C14orf132: variants seen among roughly 807,000 people sequenced by gnomAD.
The protein encoded by C14orf132 is uncharacterized protein C14orf132.
C14orf132 carries 6 observed loss-of-function variants against 5.8 expected under a neutral mutation model. That is an observed-to-expected ratio of 1.03 (90% confidence interval 0.57 to 2.04). The LOEUF (loss-of-function observed/expected upper bound fraction) is 2.04. C14orf132 is among the 30% of genes most tolerant of loss of function. C14orf132 has a pLI of 0.00. For missense variants in C14orf132, 125 were observed against 115.8 expected, an observed-to-expected ratio of 1.08 and a Z score of -0.37; for synonymous variants, 51 against 49.8, an observed-to-expected ratio of 1.02 and a Z score of -0.10.
rs1888204760 is a variant in C14orf132, at chr14:96,086,716, T to A, written c.233T>A (p.Val78Glu). ...GGGAACATCGTGGTGGTGGGCGTGG[T>A]GTATGCCTTCACCTTCTGAGGACGG... is the stretch of plus-strand genomic sequence containing the variant. ...TLGNIVVVGVVYAFTF is the reference protein window; with the variant it reads ...TLGNIVVVGVEYAFTF Residue 78 changes from valine to glutamate, a missense_variant, in exon 2 of 2, where the codon GTG becomes GAG. Transcript: ENST00000555004. 1 of 1,536,148 alleles carries A rather than the reference T, an allele frequency of 6.5e-7. No individual in the cohort carries two copies. Among genetic ancestry groups the A allele is most frequent in the East Asian group, 2.4e-5 (1 of 40,920 alleles).
At chr14:96,067,509 G>GACCA (rs1887566635) in intron 1 of C14orf132, among the ~76,000 whole-genome samples, 2 of 152,048 alleles carry the variant, frequency 1.3e-5, no homozygotes, top group Non-Finnish European at 1.5e-5. Flanking sequence ...AGACCAGCCT[G>GACCA]ACCAACATGG....
chr14:96,042,565 G>T (rs1240330659), intron 1 of C14orf132, among the ~76,000 whole-genome samples: 2 of 152,206 alleles, frequency 1.3e-5, no homozygotes, highest in African/African-American at 2.4e-5. Context: ...GGCTTAAGAA[G>T]ACCCAGAACA....
At chr14:96,047,954 G>A (rs1886878628) in intron 1 of C14orf132, among the ~76,000 whole-genome samples, 1 of 152,118 alleles carries the variant, frequency 6.6e-6, no homozygotes, top group South Asian at 2.1e-4. Flanking sequence ...TTGGGAGGCC[G>A]AGGCAGGTGG....
At chr14:96,050,256 C>T (rs1415612325) in intron 1 of C14orf132, among the ~76,000 whole-genome samples, 12 of 152,128 alleles carry the variant, frequency 7.9e-5, no homozygotes, top group African/African-American at 2.4e-4. Flanking sequence ...AGTTCAGATG[C>T]TTGAGAACAG....
At chr14:96,059,196 G>A (rs1199996875) in intron 1 of C14orf132, among the ~76,000 whole-genome samples, 1 of 152,154 alleles carries the variant, frequency 6.6e-6, no homozygotes, top group Non-Finnish European at 1.5e-5. Context: ...GAGGTGGAAG[G>A]ATTGCTTGAG....
chr14:96,060,823 G>A (rs1019058150), intron 1 of C14orf132, among the ~76,000 whole-genome samples: 25 of 152,280 alleles, frequency 1.6e-4, no homozygotes, highest in South Asian at 8.3e-4. Flanking sequence ...CATCTCCCGT[G>A]CCAAACATCC....
chr14:96,075,020 TAAC>T (rs1887824111), intron 1 of C14orf132, among the ~76,000 whole-genome samples: 1 of 152,238 alleles, frequency 6.6e-6, no homozygotes, highest in Non-Finnish European at 1.5e-5. Context: ...ATTCACATCT[TAAC>T]AATATTGAGT....
chr14:96,058,934 G>A (rs544965142), intron 1 of C14orf132, among the ~76,000 whole-genome samples: 8 of 152,352 alleles, frequency 5.3e-5, no homozygotes, highest in African/African-American at 1.9e-4. Context: ...AGTCATGACT[G>A]AGCCTGTTTG....
At chr14:96,085,927 T>G (rs1406387083) in intron 1 of C14orf132, among the ~76,000 whole-genome samples, 1 of 151,836 alleles carries the variant, frequency 6.6e-6, no homozygotes, top group Non-Finnish European at 1.5e-5. Flanking sequence ...AAAAAACACG[T>G]TTAAATGTGT....
At chr14:96,051,278 G>A (rs1887018493) in intron 1 of C14orf132, 1 of 398,450 alleles carries the variant, frequency 2.5e-6, no homozygotes, top group Non-Finnish European at 4.4e-6. Context: ...TTTGATTCAG[G>A]TGTGGGGTCT....
chr14:96,064,816 T>A (rs996092353), intron 1 of C14orf132, among the ~76,000 whole-genome samples: 1 of 152,024 alleles, frequency 6.6e-6, no homozygotes, highest in African/African-American at 2.4e-5. Context: ...CAATAACTCA[T>A]GGAAAAATAA....
rs1012022686 is a variant in C14orf132, at chr14:96,090,669, C to G, written c.*3934C>G. ...CCCCCAGAGAGAAATGATTCTCGCT[C>G]CTTTCAGATCCCCCAGGATCTGAGG... On this transcript the variant is annotated 3_prime_UTR_variant, in exon 2 of 2. Coordinates refer to ENST00000555004, the MANE Select transcript of C14orf132 (RefSeq NM_001252507.3). 2.2e-5 allele frequency: 10 copies of G among 455,940 alleles called. No homozygotes were observed. The Admixed American group carries it at 2.3e-4, about 11-fold the overall frequency. 28.2% of individuals were successfully genotyped at this position (455,940 alleles called of 1,614,324 possible).
In C14orf132 at chr14:96,086,589, G is replaced by A. The variant is rs1387752518; in HGVS notation, c.106G>A (p.Ala36Thr). Residue 36 changes from alanine to threonine, a missense_variant, in exon 2 of 2, where the codon GCC becomes ACC. Physicochemically the swap from Ala to Thr is moderately conservative, Grantham distance 58 (BLOSUM62 0). Coordinates refer to ENST00000555004, the MANE Select transcript of C14orf132 (RefSeq NM_001252507.3). ...CGAGTACTCCCTGTTTAACTCCTCT[G>A]CCAATGTCCACGCGGCTGCCAATGG... ...STEYSLFNSSANVHAAANGQG... is the reference protein window; with the variant it reads ...STEYSLFNSSTNVHAAANGQG... 16 of 1,536,108 alleles carry A rather than the reference G, an allele frequency of 1.0e-5. No homozygotes were observed. The highest frequency in any genetic ancestry group is 1.4e-5 in the Non-Finnish European group (16 of 1,146,912).
intron 1 of C14orf132, among the ~76,000 whole-genome samples, chr14:96,041,740 A>G (rs1886699038): frequency 6.6e-6 from 1 of 152,246 alleles, no homozygotes; most frequent in African/African-American, 2.4e-5. Flanking sequence ...GGCAGTTTGC[A>G]GCGAAATGTT....
intron 1 of C14orf132, among the ~76,000 whole-genome samples, chr14:96,082,873 G>A (rs901514359): frequency 3.9e-5 from 6 of 152,212 alleles, no homozygotes; most frequent in Non-Finnish European, 7.3e-5. Context: ...TGGTTGGACT[G>A]CATTCTCTTC....
At chr14:96,044,235 G>A (rs951814393) in intron 1 of C14orf132, among the ~76,000 whole-genome samples, 3 of 152,202 alleles carry the variant, frequency 2.0e-5, no homozygotes, top group Non-Finnish European at 4.4e-5. Context: ...GTGCAGTGGT[G>A]CGATCATGGT....
chr14:96,039,825 C>T lies in C14orf132; in HGVS notation c.27+298C>T, dbSNP rs1886637590. 7.2e-5 allele frequency among the ~76,000 whole-genome samples: 11 copies of T among 152,196 alleles called. No individual in the cohort carries two copies. Among genetic ancestry groups the T allele is most frequent in the Admixed American group, 7.2e-4 (11 of 15,292 alleles). ...CCTGGGCAGCCCGAGTCGCCCCCTT[C>T]TGCCCATCCCCCACTGCTGTCCCCC... On this transcript the variant is annotated intron_variant, in intron 1 of 1. Transcript: ENST00000555004. This position sits in a 1 kb window ranked among gnomAD's most constrained non-coding sequence, Gnocchi z 5.3.
At chr14:96,069,579 T>C (rs1417250678) in intron 1 of C14orf132, among the ~76,000 whole-genome samples, 1 of 152,048 alleles carries the variant, frequency 6.6e-6, no homozygotes, top group Non-Finnish European at 1.5e-5. Context: ...GCAGCCCAGT[T>C]TGGAGCTGGC....
In C14orf132 at chr14:96,064,369, C is replaced by T. The variant is rs1400038953; in HGVS notation, c.28-22142C>T. 5.4e-5 allele frequency among the ~76,000 whole-genome samples: 8 copies of T among 147,678 alleles called. 2 individuals are homozygous for T. The highest frequency in any genetic ancestry group is 2.0e-4 in the East Asian group (1 of 5,124). On this transcript the variant is annotated intron_variant, in intron 1 of 1. Coordinates refer to ENST00000555004, the MANE Select transcript of C14orf132 (RefSeq NM_001252507.3). ...AGAAACTAGGGTGCATATATACACA[C>T]ACACACACACACACACACACACACA...
Sources: allele counts gnomAD v4.1 joint callset (sites outside exome capture counted in the v4.1 genomes callset), GRCh38; gene constraint gnomAD v4.1.1; non-coding constraint Gnocchi (gnomAD v3.1); transcripts MANE v1.5; gene names NCBI Gene and HGNC (gene_info 2026-07-23, HGNC 2026-07-21).